IL1RAPL2: variants seen among roughly 807,000 people sequenced by gnomAD.
IL1RAPL2 encodes X-linked interleukin-1 receptor accessory protein-like 2.
A neutral mutation model predicts 44.1 loss-of-function variants in IL1RAPL2; 3 were observed. That is an observed-to-expected ratio of 0.07 (90% confidence interval 0.03 to 0.18). The LOEUF (loss-of-function observed/expected upper bound fraction) is 0.18, where lower values mean the gene tolerates loss of function less well. Among genes scored for constraint, IL1RAPL2 ranks in the 10% least tolerant of loss-of-function variants. The pLI, the probability that IL1RAPL2 is intolerant of heterozygous loss-of-function variation, is 1.00. For missense variants in IL1RAPL2, 391 were observed against 496.4 expected (o/e 0.79, Z 2.02); for synonymous variants, 181 against 178.8 (o/e 1.01, Z -0.10).
intron 5 of IL1RAPL2, among the ~76,000 whole-genome samples, chrX:105,319,414 G>C (rs566409694): frequency 2.2e-4 from 25 of 111,945 alleles, no homozygotes; most frequent in African/African-American, 7.1e-4. Context: ...GCATTAGGCA[G>C]TGGGTCTAGG....
At chrX:104,655,204 C>T (rs902506802) in intron 1 of IL1RAPL2, among the ~76,000 whole-genome samples, 10 of 111,561 alleles carry the variant, frequency 9.0e-5, no homozygotes, top group African/African-American at 1.6e-4. Flanking sequence ...GAATTTCCAA[C>T]GCTATGTCGA....
At position 104,771,243 on chromosome X, in the gene IL1RAPL2, A is replaced by G. The variant is rs867250358; in HGVS notation, c.82+112248A>G. On this transcript the variant is annotated intron_variant, in intron 2 of 10. Transcript: ENST00000372582. ...TTTACTCCCACATACCTTCTATTTTACCAGCCATATCTCCCCTCCAGCAGA... is the reference window on the plus strand; with the variant it reads ...TTTACTCCCACATACCTTCTATTTTGCCAGCCATATCTCCCCTCCAGCAGA... Among the ~76,000 whole-genome samples the G allele has an allele frequency of 3.6e-5, 4 of 111,738 alleles. No individual in the cohort carries two copies. The East Asian group carries it at 8.5e-4, about 24-fold the overall frequency.
At position 105,491,307 on chromosome X, in the gene IL1RAPL2, G is replaced by A. The variant is rs963902447; in HGVS notation, c.772+6920G>A. Among the ~76,000 whole-genome samples the A allele has an allele frequency of 3.1e-4, 35 of 111,440 alleles. 2 individuals carry two copies. Among genetic ancestry groups the A allele is most frequent in the East Asian group, 2.5e-3 (9 of 3,547 alleles). ...AAAGGATGAGTTCATGTCCTTTGTA[G>A]GGACATGGATGAAGTAGAATTATTG... On this transcript the variant is annotated intron_variant, in intron 6 of 10. Coordinates refer to ENST00000372582, the MANE Select transcript of IL1RAPL2 (RefSeq NM_017416.2).
At chrX:105,582,515 T>G (rs1340268229) in intron 6 of IL1RAPL2, among the ~76,000 whole-genome samples, 2 of 111,327 alleles carry the variant, frequency 1.8e-5, no homozygotes, top group African/African-American at 6.5e-5. Context: ...TTTCAGTATA[T>G]AAAATAACAT....
intron 2 of IL1RAPL2, among the ~76,000 whole-genome samples, chrX:104,846,599 A>T (rs780492976): frequency 8.9e-6 from 1 of 111,966 alleles, no homozygotes; most frequent in South Asian, 3.8e-4. Context: ...TCTATCATTG[A>T]TGGACATTCG....
At chrX:104,862,528 T>A (rs924703188) in intron 2 of IL1RAPL2, among the ~76,000 whole-genome samples, 2 of 110,402 alleles carry the variant, frequency 1.8e-5, no homozygotes, top group Non-Finnish European at 3.8e-5. Flanking sequence ...GGAAAAAGAC[T>A]TCTACCAACA....
chrX:105,756,928 T>C (rs760192851), intron 10 of IL1RAPL2, among the ~76,000 whole-genome samples: 13 of 111,004 alleles, frequency 1.2e-4, no homozygotes, highest in Non-Finnish European at 2.3e-4. Flanking sequence ...ATCTAACTCC[T>C]TCAATGTTAA....
intron 2 of IL1RAPL2, among the ~76,000 whole-genome samples, chrX:104,897,704 T>C (rs1352189181): frequency 6.2e-5 from 7 of 112,230 alleles, no homozygotes; most frequent in Non-Finnish European, 1.3e-4. Flanking sequence ...GAAGATCTAC[T>C]TTTGCATATA....
intron 2 of IL1RAPL2, among the ~76,000 whole-genome samples, chrX:105,028,504 T>G (rs2031417212): frequency 9.0e-6 from 1 of 110,999 alleles, no homozygotes; most frequent in Non-Finnish European, 1.9e-5. Flanking sequence ...TTTTTAAAAG[T>G]TTTGGATTTT....
chrX:105,565,018 G>T (rs928552814), intron 6 of IL1RAPL2, among the ~76,000 whole-genome samples: 2 of 112,276 alleles, frequency 1.8e-5, no homozygotes, highest in African/African-American at 6.5e-5. Context: ...AGGCTAGCCA[G>T]CTCCGTCATT....
intron 2 of IL1RAPL2, among the ~76,000 whole-genome samples, chrX:104,717,658 C>A (rs28663112): frequency 9.2e-6 from 1 of 108,606 alleles, no homozygotes; most frequent in South Asian, 4.1e-4. Context: ...ATGTGTACAA[C>A]GTGCAGGTTT....
intron 2 of IL1RAPL2, among the ~76,000 whole-genome samples, chrX:105,194,786 C>T (rs2033660886): frequency 8.9e-6 from 1 of 111,788 alleles, no homozygotes; most frequent in African/African-American, 3.3e-5. Flanking sequence ...TTTACTTTCT[C>T]AAAGGCAAAT....
At chrX:105,153,006 A>G (rs2033240419) in intron 2 of IL1RAPL2, among the ~76,000 whole-genome samples, 2 of 112,473 alleles carry the variant, frequency 1.8e-5, no homozygotes, top group African/African-American at 6.5e-5. Flanking sequence ...TACTAAGACA[A>G]TCAGTTGATT....
chrX:105,701,627 T>C (rs1311800484), intron 6 of IL1RAPL2, among the ~76,000 whole-genome samples: 1 of 110,994 alleles, frequency 9.0e-6, no homozygotes, highest in Non-Finnish European at 1.9e-5. Context: ...CCTGCCTGCC[T>C]TCCTGCCAAG....
At chrX:105,691,924 A>G (rs930401164) in intron 6 of IL1RAPL2, among the ~76,000 whole-genome samples, 3 of 111,993 alleles carry the variant, frequency 2.7e-5, no homozygotes, top group Non-Finnish European at 3.8e-5. Flanking sequence ...GTTATAACAT[A>G]GCTGAAAGAA....
At position 105,159,991 on chromosome X, in the gene IL1RAPL2, C is replaced by A. The variant is rs933859712; in HGVS notation, c.83-35484C>A. Among the ~76,000 whole-genome samples, 5 of 99,323 alleles carry A rather than the reference C, an allele frequency of 5.0e-5. No homozygotes were observed. In the East Asian group the frequency reaches 1.5e-3, roughly 29 times the overall value. The allele number at this position is 99,323 out of a possible 115,157, so 86.3% of individuals were successfully genotyped here. ...ACAGCTGACTTAAAGAACCCCCCCC[C>A]CCACTCCACCCCATTTTTTTGTGGT... On this transcript the variant is annotated intron_variant, in intron 2 of 10. Coordinates refer to ENST00000372582, the MANE Select transcript of IL1RAPL2 (RefSeq NM_017416.2).
intron 2 of IL1RAPL2, among the ~76,000 whole-genome samples, chrX:105,032,865 C>G (rs1299387830): frequency 9.0e-6 from 1 of 111,019 alleles, no homozygotes; most frequent in Admixed American, 9.6e-5. Flanking sequence ...GAGTCTAAGT[C>G]TCTTTGTAGG....
intron 5 of IL1RAPL2, among the ~76,000 whole-genome samples, chrX:105,274,861 G>C (rs913721044): frequency 2.7e-5 from 3 of 111,433 alleles, no homozygotes; most frequent in African/African-American, 9.8e-5. Context: ...TTTTTTGCAG[G>C]GTATCTCAGG....
chrX:104,670,250 G>A (rs1164933506), intron 2 of IL1RAPL2, among the ~76,000 whole-genome samples: 1 of 111,522 alleles, frequency 9.0e-6, no homozygotes, highest in East Asian at 2.8e-4. Context: ...AATCACTGGT[G>A]TAAGTCCAAG....
Sources: allele counts gnomAD v4.1 joint callset (sites outside exome capture counted in the v4.1 genomes callset), GRCh38; gene constraint gnomAD v4.1.1; transcripts MANE v1.5; gene names NCBI Gene and HGNC (gene_info 2026-07-23, HGNC 2026-07-21).